The following MAP2K6 variants were observed in gnomAD, a reference collection of about 807,000 sequenced individuals.
MAP2K6 encodes dual specificity mitogen-activated protein kinase kinase 6.
Under a neutral mutation model 53.7 loss-of-function variants are expected in MAP2K6, and 16 were observed. The ratio of observed to expected loss-of-function variants is 0.30; its 90% CI spans 0.20 to 0.45. The LOEUF is 0.45. Ranked by LOEUF, MAP2K6 falls within the 20% of genes least tolerant of loss-of-function variation. MAP2K6 has a pLI of 1.00. For missense variants in MAP2K6, 204 were observed against 411.9 expected, an observed-to-expected ratio of 0.50 and a Z score of 4.37; for synonymous variants, 132 against 143.1, an observed-to-expected ratio of 0.92 and a Z score of 0.55.
At chr17:69,430,135 T>C (rs939338490) in intron 1 of MAP2K6, among the ~76,000 whole-genome samples, 1 of 152,180 alleles carries the variant, frequency 6.6e-6, no homozygotes, top group Non-Finnish European at 1.5e-5. Flanking sequence ...GAGACCAGCC[T>C]GTCCACCATG....
chr17:69,519,725 T>G (rs1910366927), intron 5 of MAP2K6: 1 of 317,872 alleles, frequency 3.1e-6, no homozygotes, highest in African/African-American at 2.2e-5. Flanking sequence ...TTTGCTTAGA[T>G]CTCTTATAAT....
At chr17:69,449,543 T>TTGTCTTTCTTTCTTTG (rs369202163) in intron 1 of MAP2K6, among the ~76,000 whole-genome samples, 48 of 88,464 alleles carry the variant, frequency 5.4e-4, no homozygotes, top group Admixed American at 4.6e-3. Context: ...CTTTCTTTCT[T>TTGTCTTTCTTTCTTTG]TCTTTCTTTC....
At chr17:69,510,362 TG>T (rs1909751282) in intron 2 of MAP2K6, among the ~76,000 whole-genome samples, 4 of 152,214 alleles carry the variant, frequency 2.6e-5, no homozygotes, top group Admixed American at 2.6e-4. Context: ...GCTAAAATTT[TG>T]TTGAGGATTT....
In MAP2K6 at chr17:69,523,491, A is replaced by G. The variant is rs370274941; in HGVS notation, c.536-23A>G. 972 of 1,612,074 alleles carry G rather than the reference A, an allele frequency of 6.0e-4. 1 individual carries two copies. Among genetic ancestry groups the G allele is most frequent in the Non-Finnish European group, 7.6e-4 (899 of 1,178,272 alleles). On this transcript the variant is annotated intron_variant, in intron 7 of 11. Transcript: ENST00000590474. Reference sequence around the variant, plus strand: ...CTTGAAAGCAGGCTGAAATGATGGCATCCTGGTTGTTTTCGCTTTCAGACG... The same window carrying G: ...CTTGAAAGCAGGCTGAAATGATGGCGTCCTGGTTGTTTTCGCTTTCAGACG...
chr17:69,419,079 T>G (rs541775795), intron 1 of MAP2K6, among the ~76,000 whole-genome samples: 53 of 152,336 alleles, frequency 3.5e-4, no homozygotes, highest in African/African-American at 1.2e-3. Context: ...CTACCATATA[T>G]CTTGGATATC....
intron 1 of MAP2K6, among the ~76,000 whole-genome samples, chr17:69,496,514 G>A (rs1287897248): frequency 1.3e-5 from 2 of 151,906 alleles, no homozygotes; most frequent in Admixed American, 6.6e-5. Context: ...GATTACAGGC[G>A]TGTGCCCCAC....
chr17:69,514,073 C>T (rs1438542853), intron 2 of MAP2K6, among the ~76,000 whole-genome samples: 1 of 150,584 alleles, frequency 6.6e-6, no homozygotes, highest in Admixed American at 6.6e-5. Flanking sequence ...CGTGCCACTG[C>T]ACTCCAGCCT....
At chr17:69,416,825 G>A (rs817549) in intron 1 of MAP2K6, among the ~76,000 whole-genome samples, 58,530 of 152,002 alleles carry the variant, frequency 0.39, 11,785 homozygotes, top group Middle Eastern at 0.46. Flanking sequence ...TTTATGAAGA[G>A]GGTGGTGTTT....
intron 2 of MAP2K6, among the ~76,000 whole-genome samples, chr17:69,508,266 C>T (rs897915457): frequency 2.0e-5 from 3 of 151,302 alleles, no homozygotes; most frequent in Non-Finnish European, 4.4e-5. Context: ...ACCATATTGG[C>T]CAGGCTGGTC....
intron 1 of MAP2K6, among the ~76,000 whole-genome samples, chr17:69,501,957 G>A (rs893888517): frequency 4.1e-5 from 6 of 145,520 alleles, no homozygotes; most frequent in African/African-American, 1.3e-4. Context: ...CAATGTTAGC[G>A]TCAGGTGTTG....
At chr17:69,519,839 T>C in intron 5 of MAP2K6, 1 of 217,512 alleles carries the variant, frequency 4.6e-6, no homozygotes, top group Non-Finnish European at 9.0e-6. Context: ...GTTTTCCACT[T>C]TAGCGTTATA....
At chr17:69,503,265 T>G (rs886163525) in intron 1 of MAP2K6, among the ~76,000 whole-genome samples, 1 of 152,234 alleles carries the variant, frequency 6.6e-6, no homozygotes, top group African/African-American at 2.4e-5. Flanking sequence ...TCATCGAAAG[T>G]AACATTCCCT....
At position 69,548,415 on chromosome 17, in the gene MAP2K6, G is replaced by A. The variant is rs1489837485; in HGVS notation, c.*6662G>A. 6.6e-6 allele frequency: 1 copy of A among 150,570 alleles called. No individual in the cohort carries two copies. Among genetic ancestry groups the A allele is most frequent in the Non-Finnish European group, 1.5e-5 (1 of 67,516 alleles). The allele number at this position is 150,570 out of a possible 1,614,324, so 9.3% of individuals were successfully genotyped here. A position where few individuals can be genotyped will look rare whatever the true frequency, so the allele number is the denominator to read the frequency against. On this transcript the variant is annotated 3_prime_UTR_variant, in exon 12 of 12. Transcript: ENST00000590474. Reference sequence around the variant, plus strand: ...ATGCTATAAAAAGGACAGTCTGCCAGTGACCGAAGCTTTCTCATTTTTTTT... The same window carrying A: ...ATGCTATAAAAAGGACAGTCTGCCAATGACCGAAGCTTTCTCATTTTTTTT...
intron 1 of MAP2K6, among the ~76,000 whole-genome samples, chr17:69,480,454 G>A (rs975828688): frequency 7.9e-5 from 12 of 152,192 alleles, no homozygotes; most frequent in African/African-American, 2.4e-4. Context: ...AACAGTATTT[G>A]GAAATTGAGA....
intron 1 of MAP2K6, among the ~76,000 whole-genome samples, chr17:69,449,307 A>G (rs1358715368): frequency 6.6e-6 from 1 of 151,872 alleles, no homozygotes; most frequent in Non-Finnish European, 1.5e-5. Context: ...CATAAACTAT[A>G]CATAGATAGT....
chr17:69,419,143 A>T lies in MAP2K6; in HGVS notation c.16+4143A>T, dbSNP rs1380721191. ...TATTTTTTAACAACCGTGAATTTTAATTTGTAAGAATGTAGCCATTTACTT... is the reference window on the plus strand; with the variant it reads ...TATTTTTTAACAACCGTGAATTTTATTTTGTAAGAATGTAGCCATTTACTT... On this transcript the variant is annotated intron_variant, in intron 1 of 11. Transcript: ENST00000590474. Among the ~76,000 whole-genome samples the T allele has an allele frequency of 2.0e-5, 3 of 152,320 alleles. No individual in the cohort carries two copies. In the East Asian group the frequency reaches 5.8e-4, roughly 29 times the overall value.
At chr17:69,439,528 G>C (rs1047850467) in intron 1 of MAP2K6, among the ~76,000 whole-genome samples, 1 of 152,180 alleles carries the variant, frequency 6.6e-6, no homozygotes, top group Non-Finnish European at 1.5e-5. Flanking sequence ...TGGGGTGAGG[G>C]AGTTGAAGGT....
At chr17:69,512,891 A>C (rs1909932508) in intron 2 of MAP2K6, among the ~76,000 whole-genome samples, 1 of 152,206 alleles carries the variant, frequency 6.6e-6, no homozygotes, top group South Asian at 2.1e-4. Flanking sequence ...CTGATTCCTC[A>C]TGTAAAATTA....
At chr17:69,531,724 G>A (rs1452159312) in intron 10 of MAP2K6, among the ~76,000 whole-genome samples, 1 of 152,080 alleles carries the variant, frequency 6.6e-6, no homozygotes, top group Admixed American at 6.6e-5. Flanking sequence ...CTTCTTTTCT[G>A]TATTTATTTT....
Sources: gnomAD v4.1 joint callset for allele counts (sites outside exome capture counted in the v4.1 genomes callset) on GRCh38, gnomAD v4.1.1 for gene constraint, MANE v1.5 for transcripts, NCBI Gene and HGNC (gene_info 2026-07-23, HGNC 2026-07-21) for gene names.